The following THOC2 variants were observed in gnomAD, a reference collection of about 807,000 sequenced individuals.
THOC2 encodes THO complex subunit 2.
THOC2 carries 10 observed loss-of-function variants against 128.4 expected under a neutral mutation model. The ratio of observed to expected loss-of-function variants is 0.08; its 90% confidence interval spans 0.05 to 0.13. THOC2 has a LOEUF of 0.13. Among genes scored for constraint, THOC2 ranks in the 10% least tolerant of loss-of-function variants. The pLI, the probability that THOC2 is intolerant of heterozygous loss-of-function variation, is 1.00. For missense variants in THOC2, 535 were observed against 1,155.7 expected (o/e 0.46, Z 7.79); for synonymous variants, 393 against 396.9 (o/e 0.99, Z 0.12).
intron 2 of THOC2, among the ~76,000 whole-genome samples, chrX:123,710,398 G>A (rs1436743937): frequency 2.7e-5 from 3 of 112,160 alleles, no homozygotes; most frequent in Non-Finnish European, 5.6e-5. Flanking sequence ...TATCAAACAA[G>A]ATCAAAGTTA....
chrX:123,692,494 C>CTT (rs984272905), intron 7 of THOC2, among the ~76,000 whole-genome samples: 603 of 56,840 alleles, frequency 0.011, no homozygotes, highest in Non-Finnish European at 0.013. Context: ...AAATAACTGC[C>CTT]TTTTTTTTTT....
intron 32 of THOC2, 195 bp downstream of exon 32, chrX:123,620,712 A>C (rs749832829): frequency 1.1e-5 from 4 of 364,426 alleles, no homozygotes; most frequent in Non-Finnish European, 1.9e-5. Flanking sequence ...TTGAAGTTTT[A>C]ACATTTTTAT....
At chrX:123,639,055 G>A in intron 16 of THOC2, 28 bp from the exon 17 acceptor site, 2 of 837,428 alleles carry the variant, frequency 2.4e-6, no homozygotes, top group Non-Finnish European at 1.7e-6. Context: ...ACAATAGAAG[G>A]CATTAACTGA....
intron 7 of THOC2, among the ~76,000 whole-genome samples, chrX:123,694,696 C>T (rs1210859771): frequency 8.9e-6 from 1 of 111,854 alleles, no homozygotes; most frequent in African/African-American, 3.2e-5. Flanking sequence ...TGGGTCACTG[C>T]CACACAGTTA....
chrX:123,624,196 G>A lies in THOC2; in HGVS notation c.3187-5C>T. 8.5e-7 allele frequency: 1 copy of A among 1,169,709 alleles called. No individual in the cohort carries two copies. Among genetic ancestry groups the A allele is most frequent in the African/African-American group, 1.8e-5 (1 of 55,371 alleles). ...TCCTGGATAGTTTCCACATTCCTAA[G>A]GAAACAATGTTTGTCACTTTTAAAG... is the stretch of plus-strand genomic sequence containing the variant. On this transcript the variant is annotated splice_polypyrimidine_tract_variant and splice_region_variant and intron_variant, in intron 26 of 38. Transcript: ENST00000245838.
At chrX:123,685,624 GA>G (rs2049971569) in intron 8 of THOC2, among the ~76,000 whole-genome samples, 1 of 111,751 alleles carries the variant, frequency 8.9e-6, no homozygotes, top group Non-Finnish European at 1.9e-5. Context: ...GATAAGGCCG[GA>G]AAGAACAGTG....
chrX:123,663,539 A>T (rs750113046), intron 12 of THOC2, among the ~76,000 whole-genome samples: 684 of 46,138 alleles, frequency 0.015, 3 homozygotes, highest in East Asian at 0.13. Context: ...TGATTTTTTT[A>T]AAAAAAAAAA....
chrX:123,657,768 CTAAG>C (rs1376203950), intron 12 of THOC2, among the ~76,000 whole-genome samples: 7 of 110,976 alleles, frequency 6.3e-5, no homozygotes, highest in Admixed American at 2.9e-4. Flanking sequence ...GCAAGAAATA[CTAAG>C]TAAGTTCTTT....
At chrX:123,699,541 T>G (rs949162576) in intron 4 of THOC2, among the ~76,000 whole-genome samples, 2 of 111,679 alleles carry the variant, frequency 1.8e-5, no homozygotes, top group African/African-American at 6.5e-5. Flanking sequence ...CTCCTCAGTC[T>G]AGAACTTTAA....
At position 123,626,597 on chromosome X, in the gene THOC2, T is replaced by C; in HGVS notation, c.2823A>G (p.Glu941=). 8.3e-7 allele frequency: 1 copy of C among 1,204,486 alleles called. No individual in the cohort carries two copies. The highest frequency in any genetic ancestry group is 1.1e-6 in the Non-Finnish European group (1 of 892,656). The stretch of plus-strand genomic sequence containing the variant: ...GTACATGTTCCATCTGTTTCTTTTC[T>C]TCTTCAAGAAGCTTGTCCTGAAGGG... The part of the protein sequence containing the change: ...CTALQDKLLE[E]EKKQMEHVQR... The change falls in exon 24 of 39, where the codon GAA becomes GAG. Residue 941 remains glutamate, a synonymous_variant. Coordinates refer to ENST00000245838, the MANE Select transcript of THOC2 (RefSeq NM_001081550.2).
intron 1 of THOC2, among the ~76,000 whole-genome samples, chrX:123,725,073 C>A (rs770292446): frequency 1.8e-5 from 2 of 111,459 alleles, no homozygotes; most frequent in East Asian, 5.7e-4. Context: ...CTCCAGCCTG[C>A]ACTCCAGGGT....
At chrX:123,627,670 G>C (rs2047316310) in intron 23 of THOC2, 23 bp downstream of exon 23, 1 of 1,198,631 alleles carries the variant, frequency 8.3e-7, no homozygotes, top group Admixed American at 2.2e-5. Flanking sequence ...TATTGCACTT[G>C]AACTACTAGA....
At chrX:123,636,057 A>G in intron 19 of THOC2, 22 bp downstream of exon 19, 1 of 1,146,584 alleles carries the variant, frequency 8.7e-7, no homozygotes, top group Non-Finnish European at 1.2e-6. Context: ...GAATTTCATT[A>G]TGTATAATTT....
At chrX:123,614,469 T>C (rs1372490495) in intron 33 of THOC2, among the ~76,000 whole-genome samples, 1 of 109,735 alleles carries the variant, frequency 9.1e-6, no homozygotes, top group African/African-American at 3.3e-5. Flanking sequence ...TATAGCTCTA[T>C]TGTAAAGACC....
chrX:123,635,977 A>G lies in THOC2; in HGVS notation c.2018+102T>C, dbSNP rs1793089738. On this transcript the variant is annotated intron_variant, in intron 19 of 38. Coordinates refer to ENST00000245838, the MANE Select transcript of THOC2 (RefSeq NM_001081550.2). Reference sequence around the variant, plus strand: ...GAGCAACTATTCTACTTGAGCCTACAACCAACAAATAAGTAGTCTTTCGGG... The same window carrying G: ...GAGCAACTATTCTACTTGAGCCTACGACCAACAAATAAGTAGTCTTTCGGG... The G allele has an allele frequency of 1.0e-5, 6 of 590,764 alleles. 1 individual carries two copies. The South Asian group carries it at 1.1e-4, about 11-fold the overall frequency. The allele number at this position is 590,764 out of a possible 1,213,427, so 48.7% of individuals were successfully genotyped here. A position where few individuals can be genotyped will look rare whatever the true frequency, so the allele number is the denominator to read the frequency against.
chrX:123,633,842 T>C, intron 20 of THOC2, 111 bp downstream of exon 20: 1 of 472,786 alleles, frequency 2.1e-6, no homozygotes, highest in East Asian at 3.7e-5. Context: ...GGAAGGTATG[T>C]ATGGCTTTGA....
intron 1 of THOC2, among the ~76,000 whole-genome samples, chrX:123,713,474 T>C (rs1188592148): frequency 1.4e-5 from 1 of 72,166 alleles, no homozygotes; most frequent in African/African-American, 6.1e-5. Flanking sequence ...ACTCTGTCTC[T>C]ACAAAAAAAA....
chrX:123,633,081 T>C (rs757899680), intron 20 of THOC2, 41 bp from the exon 21 acceptor site: 3 of 970,063 alleles, frequency 3.1e-6, no homozygotes, highest in African/African-American at 1.9e-5. Context: ...GTACAGTACA[T>C]AACCCATGCT....
chrX:123,671,571 G>A, intron 9 of THOC2, 98 bp downstream of exon 9: 1 of 453,494 alleles, frequency 2.2e-6, no homozygotes, highest in Non-Finnish European at 3.7e-6. Context: ...TGAGAACCTC[G>A]AACCAACCCA....
Sources: gnomAD v4.1 joint callset for allele counts (sites outside exome capture counted in the v4.1 genomes callset) on GRCh38, gnomAD v4.1.1 for gene constraint, MANE v1.5 for transcripts, NCBI Gene and HGNC (gene_info 2026-07-23, HGNC 2026-07-21) for gene names.